Variants in OVCA2 observed in about 807,000 individuals in gnomAD.
OVCA2 encodes OVCA2 serine hydrolase domain containing.
Under a neutral mutation model 10.1 loss-of-function variants are expected in OVCA2, and 14 were observed. That is an observed-to-expected ratio of 1.39 (90% CI 0.92 to 2.17). The LOEUF (loss-of-function observed/expected upper bound fraction) is 2.17. Ranked by LOEUF, OVCA2 falls within the 30% of genes most tolerant of loss-of-function variation. OVCA2 has a pLI of 0.00. For synonymous variants in OVCA2, 201 were observed against 134.1 expected (o/e 1.50, Z -3.45); for missense variants, 376 against 300.5 (o/e 1.25, Z -1.86).
chr17:2,043,254 A>G lies in OVCA2; in HGVS notation c.*150A>G. 1.0e-6 allele frequency: 1 copy of G among 957,898 alleles called. No homozygotes were observed. Among genetic ancestry groups the G allele is most frequent in the South Asian group, 1.7e-5 (1 of 60,522 alleles). The allele number at this position is 957,898 out of a possible 1,614,324, so 59.3% of individuals were successfully genotyped here. On this transcript the variant is annotated 3_prime_UTR_variant, in exon 2 of 2. Transcript: ENST00000572195. Reference sequence around the variant, plus strand: ...ACTATCAATTCTTGAGACCCAAATTATAAGGGCCCTGCCCTGTACTGAAGA... The same window carrying G: ...ACTATCAATTCTTGAGACCCAAATTGTAAGGGCCCTGCCCTGTACTGAAGA...
At position 2,042,101 on chromosome 17, in the gene OVCA2, C is replaced by G. The variant is rs1326849220; in HGVS notation, c.54C>G (p.Ser18Arg). 6.4e-7 allele frequency: 1 copy of G among 1,568,628 alleles called. No homozygotes were observed. Among genetic ancestry groups the G allele is most frequent in the East Asian group, 2.4e-5 (1 of 42,324 alleles). The stretch of plus-strand genomic sequence containing the variant: ...TGTGCCTGGCGGGCTTCCGGCAGAG[C>G]GAGCGGGGCTTCCGTGAGAAGACCG... ...RVLCLAGFRQ[S>R]ERGFREKTGA... Residue 18 changes from serine to arginine, a missense_variant, in exon 1 of 2, where the codon AGC becomes AGG. Ser to Arg is a moderately radical substitution (Grantham distance 110, BLOSUM62 -1). Transcript: ENST00000572195.
Position 2,043,187 on chromosome 17 carries a change from T to C in OVCA2, c.*83T>C, listed in dbSNP as rs1597293065. The C allele has an allele frequency of 3.4e-6, 5 of 1,489,910 alleles. No homozygotes were observed. Among genetic ancestry groups the C allele is most frequent in the Non-Finnish European group, 3.6e-6 (4 of 1,101,756 alleles). 92.3% of individuals were successfully genotyped at this position (1,489,910 alleles called of 1,614,324 possible). A position where few individuals can be genotyped will look rare whatever the true frequency, so the allele number is the denominator to read the frequency against. ...TCCATGCCCTCCCAGGACCCTCCAC[T>C]CACTGCTGTGAGTGCGCCTCACCAG... On this transcript the variant is annotated 3_prime_UTR_variant, in exon 2 of 2. Transcript: ENST00000572195.
chr17:2,042,425 T>C (rs942020190), intron 1 of OVCA2, 180 bp from the exon 2 acceptor site: 83 of 1,249,458 alleles, frequency 6.6e-5, no homozygotes, highest in Non-Finnish European at 8.2e-5. Flanking sequence ...CTTCACCGTC[T>C]TCCTCCGCTG....
intron 1 of OVCA2, 184 bp downstream of exon 1, chr17:2,042,415 C>T (rs1489584915): frequency 8.0e-7 from 1 of 1,243,496 alleles, no homozygotes; most frequent in Non-Finnish European, 1.1e-6. Context: ...AGGCTTCCGC[C>T]TTCACCGTCT....
intron 1 of OVCA2, 59 bp downstream of exon 1, chr17:2,042,290 T>G (rs996676275): frequency 2.1e-6 from 3 of 1,396,280 alleles, no homozygotes; most frequent in Non-Finnish European, 2.8e-6. Flanking sequence ...TTCGTCCCCC[T>G]CGACACCCTT....
chr17:2,043,353 A>T lies in OVCA2; in HGVS notation c.*249A>T. On this transcript the variant is annotated 3_prime_UTR_variant, in exon 2 of 2. Transcript: ENST00000572195. ...CATGAATATGGTTGGAGAGCCCTGG[A>T]TTAGGAGGGTGACATGGGGAAGGCA... 1 of 473,426 alleles carries T rather than the reference A, an allele frequency of 2.1e-6. No homozygotes were observed. The highest frequency in any genetic ancestry group is 3.7e-6 in the Non-Finnish European group (1 of 269,740). The allele number at this position is 473,426 out of a possible 1,614,324, so 29.3% of individuals were successfully genotyped here. A position where few individuals can be genotyped will look rare whatever the true frequency, so the allele number is the denominator to read the frequency against.
At position 2,043,333 on chromosome 17, in the gene OVCA2, A is replaced by C. The variant is rs1051001480; in HGVS notation, c.*229A>C. The C allele has an allele frequency of 1.3e-5, 7 of 545,510 alleles. No homozygotes were observed. The highest frequency in any genetic ancestry group is 6.9e-5 in the Admixed American group (2 of 28,900). The allele number at this position is 545,510 out of a possible 1,614,324, so 33.8% of individuals were successfully genotyped here. On this transcript the variant is annotated 3_prime_UTR_variant, in exon 2 of 2. Transcript: ENST00000572195. ...TTGACTTGTGAAAACGCAAACATGA[A>C]TATGGTTGGAGAGCCCTGGATTAGG...
At position 2,042,688 on chromosome 17, in the gene OVCA2, G is replaced by A. The variant is rs944824870; in HGVS notation, c.268G>A (p.Ala90Thr). 5 of 1,529,990 alleles carry A rather than the reference G, an allele frequency of 3.3e-6. No homozygotes were observed. In the African/African-American group the frequency reaches 5.6e-5, roughly 17 times the overall value. 94.8% of individuals were successfully genotyped at this position (1,529,990 alleles called of 1,614,324 possible). A position where few individuals can be genotyped will look rare whatever the true frequency, so the allele number is the denominator to read the frequency against. ...ADVFSALEEP[A>T]VCRGLEESLG... ...CGTTTTCTCCGCATTGGAAGAGCCC[G>A]CCGTCTGCAGGGGCCTGGAGGAATC... Residue 90 changes from alanine to threonine, a missense_variant, in exon 2 of 2, where the codon GCC becomes ACC. Ala to Thr is a moderately conservative substitution (Grantham distance 58). Transcript: ENST00000572195.
chr17:2,042,486 C>G (rs544974435), intron 1 of OVCA2, 119 bp from the exon 2 acceptor site: 6 of 1,405,510 alleles, frequency 4.3e-6, no homozygotes, highest in Admixed American at 2.7e-5. Context: ...TTCCCCCAGA[C>G]TTTTGCCTCG....
intron 1 of OVCA2, 74 bp downstream of exon 1, chr17:2,042,305 A>G (rs532512245): frequency 1.6e-4 from 225 of 1,391,482 alleles, no homozygotes; most frequent in Middle Eastern, 3.7e-4. Context: ...ACCCTTCAGC[A>G]TCCCCCACCC....
rs768205267 is a variant in OVCA2 at position 2,042,068 on chromosome 17, G to C, written c.21G>C (p.Leu7=). The C allele has an allele frequency of 1.3e-6, 2 of 1,555,526 alleles. No homozygotes were observed. The highest frequency in any genetic ancestry group is 1.7e-6 in the Non-Finnish European group (2 of 1,159,980). The change falls in exon 1 of 2, where the codon CTG becomes CTC. Residue 7 remains leucine (L), a synonymous_variant. Transcript: ENST00000572195. Reference sequence around the variant, plus strand: ...GCATAATGGCCGCGCAGCGACCCCTGCGGGTCCTGTGCCTGGCGGGCTTCC... The same window carrying C: ...GCATAATGGCCGCGCAGCGACCCCTCCGGGTCCTGTGCCTGGCGGGCTTCC... The part of the protein sequence containing the change: MAAQRP[L]RVLCLAGFRQ...
At position 2,042,661 on chromosome 17, in the gene OVCA2, G is replaced by T; in HGVS notation, c.241G>T (p.Asp81Tyr). 6.6e-7 allele frequency: 1 copy of T among 1,524,380 alleles called. No homozygotes were observed. The highest frequency in any genetic ancestry group is 8.8e-7 in the Non-Finnish European group (1 of 1,139,606). The allele number at this position is 1,524,380 out of a possible 1,614,324, so 94.4% of individuals were successfully genotyped here. A position where few individuals can be genotyped will look rare whatever the true frequency, so the allele number is the denominator to read the frequency against. The change falls in exon 2 of 2, where the codon GAC becomes TAC. Residue 81 changes from aspartate (D) to tyrosine (Y), a missense_variant. Asp to Tyr is a radical substitution (Grantham distance 160). Coordinates refer to ENST00000572195, the MANE Select transcript of OVCA2 (RefSeq NM_080822.3). ...CTGGTGGTTTTCAGAGCAGGAGGCC[G>T]ACGTTTTCTCCGCATTGGAAGAGCC... Reference protein sequence around the residue: ...RGWWFSEQEADVFSALEEPAV... With the variant: ...RGWWFSEQEAYVFSALEEPAV...
intron 1 of OVCA2, 105 bp from the exon 2 acceptor site, chr17:2,042,500 C>G (rs575217612): frequency 1.4e-6 from 2 of 1,436,292 alleles, no homozygotes; most frequent in South Asian, 1.6e-5. Context: ...TGCCTCGATT[C>G]CCTTTTTCTC....
Position 2,043,192 on chromosome 17 carries a change from G to GCTGT in OVCA2, c.*89_*92dup, listed in dbSNP as rs1177588117. ...GCCCTCCCAGGACCCTCCACTCACT[G>GCTGT]CTGTGAGTGCGCCTCACCAGAACCA... On this transcript the variant is annotated 3_prime_UTR_variant, in exon 2 of 2. Transcript: ENST00000572195. 1.4e-6 allele frequency: 2 copies of GCTGT among 1,453,484 alleles called. No homozygotes were observed. Among genetic ancestry groups the GCTGT allele is most frequent in the African/African-American group, 2.8e-5 (2 of 70,942 alleles). 90.0% of individuals were successfully genotyped at this position (1,453,484 alleles called of 1,614,324 possible).
rs2067568491 is a variant in OVCA2, at chr17:2,042,815, G to T, written c.395G>T (p.Gly132Val). Residue 132 changes from glycine to valine, a missense_variant, in exon 2 of 2, where the codon GGC (glycine) becomes GTC (valine). Physicochemically the swap from Gly to Val is moderately radical, Grantham distance 109. Coordinates refer to ENST00000572195, the MANE Select transcript of OVCA2 (RefSeq NM_080822.3). ...AALAALVCAL[G>V]QAGDPRFPLP... Reference sequence around the variant, plus strand: ...CTAGCAGCCCTTGTGTGTGCCCTGGGCCAGGCAGGCGATCCCCGCTTCCCC... The same window carrying T: ...CTAGCAGCCCTTGTGTGTGCCCTGGTCCAGGCAGGCGATCCCCGCTTCCCC... The T allele has an allele frequency of 2.5e-6, 4 of 1,613,944 alleles. No homozygotes were observed. In the South Asian group the frequency reaches 3.3e-5, roughly 13 times the overall value.
intron 1 of OVCA2, 36 bp from the exon 2 acceptor site, chr17:2,042,569 G>C (rs2067561319): frequency 6.7e-7 from 1 of 1,495,500 alleles, no homozygotes; most frequent in South Asian, 1.5e-5. Flanking sequence ...AGCCTCCCAT[G>C]CCCTAATCCC....
Position 2,042,069 on chromosome 17 carries a change from C to A in OVCA2, c.22C>A (p.Arg8=). MAAQRPL[R]VLCLAGFRQS... ...CATAATGGCCGCGCAGCGACCCCTG[C>A]GGGTCCTGTGCCTGGCGGGCTTCCG... is the stretch of plus-strand genomic sequence containing the variant. Residue 8 remains arginine (R), a synonymous_variant, in exon 1 of 2, where the codon CGG becomes AGG. Transcript: ENST00000572195. The A allele has an allele frequency of 1.3e-6, 2 of 1,555,366 alleles. No homozygotes were observed. The highest frequency in any genetic ancestry group is 1.7e-6 in the Non-Finnish European group (2 of 1,159,988).
At chr17:2,042,522 G>T in intron 1 of OVCA2, 83 bp from the exon 2 acceptor site, 2 of 1,436,986 alleles carry the variant, frequency 1.4e-6, no homozygotes, top group Non-Finnish European at 1.8e-6. Context: ...CTGTCATCTC[G>T]AACCCTCCTG....
rs936566545 is a variant in OVCA2, at chr17:2,042,779, A to C, written c.359A>C (p.Gln120Pro). ...GPFDGLLGFS[Q>P]GAALAALVCA... ...TTTGACGGCCTTCTTGGTTTCAGCCAAGGGGCTGCGCTAGCAGCCCTTGTG... is the reference window on the plus strand; with the variant it reads ...TTTGACGGCCTTCTTGGTTTCAGCCCAGGGGCTGCGCTAGCAGCCCTTGTG... The change falls in exon 2 of 2, where the codon CAA (glutamine) becomes CCA (proline). Residue 120 changes from glutamine to proline, a missense_variant. By Grantham distance (76) the Gln-to-Pro change is moderately conservative. Transcript: ENST00000572195. 8.1e-6 allele frequency: 13 copies of C among 1,611,528 alleles called. No homozygotes were observed. Among genetic ancestry groups the C allele is most frequent in the Non-Finnish European group, 1.0e-5 (12 of 1,179,172 alleles).
Sources: allele counts gnomAD v4.1 joint callset, GRCh38; gene constraint gnomAD v4.1.1; transcripts MANE v1.5; gene names NCBI Gene and HGNC (gene_info 2026-07-23, HGNC 2026-07-21).